The following TCF12 variants were observed in gnomAD, a reference collection of about 807,000 sequenced individuals.
TCF12 encodes transcription factor 12.
TCF12 carries 45 observed loss-of-function variants against 86.0 expected under a neutral mutation model. The observed-to-expected ratio is 0.52, with a 90% confidence interval of 0.41 to 0.67. The LOEUF (loss-of-function observed/expected upper bound fraction) is 0.67, where lower values mean the gene tolerates loss of function less well. Ranked by LOEUF, TCF12 falls within the 30% of genes least tolerant of loss-of-function variation. The pLI is 0.00. For synonymous variants in TCF12, 330 were observed against 299.6 expected, an observed-to-expected ratio of 1.10 and a Z score of -1.05; for missense variants, 881 against 859.9, an observed-to-expected ratio of 1.02 and a Z score of -0.31.
chr15:56,963,776 C>T (rs1437854969), intron 3 of TCF12, among the ~76,000 whole-genome samples: 1 of 152,066 alleles, frequency 6.6e-6, no homozygotes, highest in Non-Finnish European at 1.5e-5. Flanking sequence ...TGTGTTATAA[C>T]GAGTAGAAAT....
intron 3 of TCF12, among the ~76,000 whole-genome samples, chr15:57,001,764 T>C (rs903726718): frequency 1.3e-4 from 20 of 152,168 alleles, no homozygotes; most frequent in Non-Finnish European, 2.4e-4. Flanking sequence ...CAATAGGACA[T>C]ATTTTCGAGT....
chr15:57,148,028 G>A (rs546333055), intron 5 of TCF12, among the ~76,000 whole-genome samples: 129 of 151,646 alleles, frequency 8.5e-4, no homozygotes, highest in Middle Eastern at 3.4e-3. Flanking sequence ...ACAGGTGCAC[G>A]TCACCATGCC....
At chr15:57,034,741 C>T (rs1367252934) in intron 3 of TCF12, among the ~76,000 whole-genome samples, 2 of 152,108 alleles carry the variant, frequency 1.3e-5, no homozygotes, top group Non-Finnish European at 2.9e-5. Flanking sequence ...AATGACTTCC[C>T]AAAACCGTAT....
intron 3 of TCF12, among the ~76,000 whole-genome samples, chr15:57,007,755 C>CTTCTTTCTTTCTTTCTTTCTTTCTTTCT (rs61173765): frequency 6.0e-5 from 5 of 83,864 alleles, no homozygotes; most frequent in African/African-American, 2.1e-4. Flanking sequence ...AATATTTTTC[C>CTTCTTTCTTTCTTTCTTTCTTTCTTTCT]TTCTTTCTTT....
At chr15:57,047,947 C>T (rs1219965045) in intron 3 of TCF12, among the ~76,000 whole-genome samples, 1 of 152,138 alleles carries the variant, frequency 6.6e-6, no homozygotes, top group African/African-American at 2.4e-5. Flanking sequence ...GTACTGAATA[C>T]AGTGGGCAGT....
chr15:56,993,704 C>G (rs1009555535), intron 3 of TCF12, among the ~76,000 whole-genome samples: 2 of 152,180 alleles, frequency 1.3e-5, no homozygotes, highest in Non-Finnish European at 2.9e-5. Context: ...TGAACTGATG[C>G]TGGAACCATG....
intron 3 of TCF12, among the ~76,000 whole-genome samples, chr15:56,963,556 T>A (rs2061870086): frequency 6.6e-6 from 1 of 151,874 alleles, no homozygotes; most frequent in African/African-American, 2.4e-5. Flanking sequence ...TTAGGAAGAG[T>A]GTTTTGAGAT....
chr15:57,243,340 T>C, intron 12 of TCF12, 132 bp from the exon 13 acceptor site: 2 of 675,952 alleles, frequency 3.0e-6, no homozygotes, highest in African/African-American at 1.8e-5. Context: ...AGTCTAAAAC[T>C]TGACAAGAAA....
chr15:56,967,222 T>G (rs1595890873), intron 3 of TCF12, among the ~76,000 whole-genome samples: 1 of 152,092 alleles, frequency 6.6e-6, no homozygotes, highest in Non-Finnish European at 1.5e-5. Context: ...CTGGATTAAA[T>G]TATAATATAC....
chr15:57,267,747 G>A (rs888116938), intron 18 of TCF12, among the ~76,000 whole-genome samples: 1 of 152,160 alleles, frequency 6.6e-6, no homozygotes, highest in Non-Finnish European at 1.5e-5. Context: ...AGTGTAATAG[G>A]TTAGTAATAG....
intron 8 of TCF12, among the ~76,000 whole-genome samples, chr15:57,223,490 T>A (rs1377824273): frequency 6.6e-6 from 1 of 151,918 alleles, no homozygotes; most frequent in African/African-American, 2.4e-5. Flanking sequence ...GAATACTAAT[T>A]GATGTGGTTA....
chr15:56,919,836 C>T (rs2140155436), intron 1 of TCF12, 56 bp from the exon 2 acceptor site: 2 of 1,501,900 alleles, frequency 1.3e-6, no homozygotes, highest in Non-Finnish European at 1.8e-6. Flanking sequence ...CTCTCTGTTC[C>T]CTCACACACT....
intron 4 of TCF12, among the ~76,000 whole-genome samples, chr15:57,071,377 G>A (rs12917247): frequency 1.3e-5 from 2 of 151,808 alleles, no homozygotes; most frequent in African/African-American, 4.8e-5. Context: ...AAAGTTGCTG[G>A]TTCACACCTG....
At chr15:57,248,201 C>A in intron 13 of TCF12, 1 of 651,294 alleles carries the variant, frequency 1.5e-6, no homozygotes, top group Non-Finnish European at 2.7e-6. Context: ...GGGCCTAATG[C>A]AGTTGCTTGC....
chr15:57,150,537 C>T (rs1346891943), intron 5 of TCF12, among the ~76,000 whole-genome samples: 1 of 152,124 alleles, frequency 6.6e-6, no homozygotes, highest in African/African-American at 2.4e-5. Context: ...CAAAGTCTGA[C>T]ATTCTTTGAA....
chr15:57,247,772 C>T, intron 13 of TCF12: 1 of 744,082 alleles, frequency 1.3e-6, no homozygotes, highest in Non-Finnish European at 2.5e-6. Flanking sequence ...TCTAGCACAC[C>T]TTGCTGCCTC....
At chr15:57,090,088 C>G (rs994581467) in intron 4 of TCF12, among the ~76,000 whole-genome samples, 1 of 152,004 alleles carries the variant, frequency 6.6e-6, no homozygotes, top group African/African-American at 2.4e-5. Context: ...TGGTGGTGCA[C>G]TACTGTAGTT....
chr15:56,919,735 G>A (rs1173040806), intron 1 of TCF12, 157 bp from the exon 2 acceptor site: 2 of 591,282 alleles, frequency 3.4e-6, no homozygotes, highest in Non-Finnish European at 5.8e-6. Context: ...GAGCCCTCCC[G>A]CCCCTTGCTC....
At chr15:57,247,978 T>C in intron 13 of TCF12, 1 of 730,572 alleles carries the variant, frequency 1.4e-6, no homozygotes, top group Non-Finnish European at 2.5e-6. Flanking sequence ...ATGGCCCTTC[T>C]CCCCCACCAC....
Sources: allele counts gnomAD v4.1 joint callset (sites outside exome capture counted in the v4.1 genomes callset), GRCh38; gene constraint gnomAD v4.1.1; transcripts MANE v1.5; gene names NCBI Gene and HGNC (gene_info 2026-07-23, HGNC 2026-07-21).